Variants in RUNX1 observed in about 807,000 individuals in gnomAD.
The protein encoded by RUNX1 is runt-related transcription factor 1.
RUNX1 carries 19 observed loss-of-function variants against 42.8 expected under a neutral mutation model. That is an observed-to-expected ratio of 0.44 (90% confidence interval 0.31 to 0.65). The LOEUF (loss-of-function observed/expected upper bound fraction) is 0.65, where lower values mean the gene tolerates loss of function less well. RUNX1 is among the 30% of genes least tolerant of loss of function. The pLI, the probability that RUNX1 is intolerant of heterozygous loss-of-function variation, is 0.07. For synonymous variants in RUNX1, 271 were observed against 289.4 expected (o/e 0.94, Z 0.64); for missense variants, 528 against 672.0 (o/e 0.79, Z 2.37).
intron 2 of RUNX1, among the ~76,000 whole-genome samples, chr21:35,007,431 G>A (rs1375489287): frequency 6.6e-6 from 1 of 152,096 alleles, no homozygotes; most frequent in African/African-American, 2.4e-5. Flanking sequence ...TGGCCCGGTT[G>A]GGTCTCCATC....
At chr21:35,043,144 C>T (rs1384629254) in intron 2 of RUNX1, among the ~76,000 whole-genome samples, 1 of 152,190 alleles carries the variant, frequency 6.6e-6, no homozygotes, top group African/African-American at 2.4e-5. Context: ...AGCCTGTGTT[C>T]TCGTAAAGTA....
intron 2 of RUNX1, among the ~76,000 whole-genome samples, chr21:34,926,721 AT>A (rs1467961377): frequency 6.6e-6 from 1 of 151,986 alleles, no homozygotes; most frequent in Non-Finnish European, 1.5e-5. Flanking sequence ...TCCAGGTGGG[AT>A]TTAACATAAT....
chr21:34,906,963 G>A (rs1454010968), intron 2 of RUNX1, among the ~76,000 whole-genome samples: 1 of 152,260 alleles, frequency 6.6e-6, no homozygotes, highest in Non-Finnish European at 1.5e-5. Context: ...TATTTAGAGA[G>A]TCACGTGCCC....
intron 8 of RUNX1, among the ~76,000 whole-genome samples, chr21:34,796,957 GAGCACAA>G (rs2056537657): frequency 6.6e-6 from 1 of 152,250 alleles, no homozygotes. Context: ...AAGAGGGGCA[GAGCACAA>G]AGCTGTCGGG....
chr21:34,901,613 GGGTGTGAGCCCTTCTCCACATTCTCTTT>G lies in RUNX1; in HGVS notation c.59-8678_59-8651del, dbSNP rs1454289038. Among the ~76,000 whole-genome samples the G allele has an allele frequency of 2.0e-5, 3 of 152,198 alleles. No individual in the cohort carries two copies. The highest frequency in any genetic ancestry group is 4.8e-5 in the African/African-American group (2 of 41,422). ...GGGGCCAACGTGTGGACCCTGGAAA[GGGTGTGAGCCCTTCTCCACATTCTCTTT>G]GGTGTGGGCCCTTCTCCACATGCTC... is the stretch of plus-strand genomic sequence containing the variant. On this transcript the variant is annotated intron_variant, in intron 2 of 8. Transcript: ENST00000675419. The surrounding 1 kb of genome is among the most constrained non-coding windows in gnomAD (Gnocchi z 4.3).
chr21:34,945,949 T>C (rs902296212), intron 2 of RUNX1, among the ~76,000 whole-genome samples: 1 of 152,228 alleles, frequency 6.6e-6, no homozygotes, highest in African/African-American at 2.4e-5. Flanking sequence ...AGCAAACTCA[T>C]TGACTGCTTC....
chr21:34,881,476 T>A (rs1315545714), intron 4 of RUNX1, among the ~76,000 whole-genome samples: 1 of 152,184 alleles, frequency 6.6e-6, no homozygotes. Context: ...GTTTACTAAT[T>A]ACAAAATCAA....
chr21:34,891,671 G>A (rs927146653), intron 3 of RUNX1, among the ~76,000 whole-genome samples: 1 of 151,022 alleles, frequency 6.6e-6, no homozygotes, highest in African/African-American at 2.4e-5. Context: ...TTTCCCTGGA[G>A]TAATGCTAGA....
At chr21:34,972,632 T>C (rs370806172) in intron 2 of RUNX1, among the ~76,000 whole-genome samples, 9 of 152,236 alleles carry the variant, frequency 5.9e-5, no homozygotes, top group African/African-American at 1.7e-4. Flanking sequence ...TTTCTCTTGA[T>C]TGATCTTCTG....
chr21:34,839,189 C>A (rs563309142), intron 6 of RUNX1, among the ~76,000 whole-genome samples: 2 of 152,040 alleles, frequency 1.3e-5, no homozygotes, highest in Non-Finnish European at 2.9e-5. Context: ...CAATCTCACA[C>A]GGCCAGTTAC....
chr21:35,011,023 T>TTC (rs2059122763), intron 2 of RUNX1, among the ~76,000 whole-genome samples: 1 of 152,202 alleles, frequency 6.6e-6, no homozygotes, highest in African/African-American at 2.4e-5. Context: ...AAGATACCAC[T>TTC]ACCAAAATCA....
At chr21:34,813,807 A>G (rs1250441078) in intron 7 of RUNX1, among the ~76,000 whole-genome samples, 2 of 152,040 alleles carry the variant, frequency 1.3e-5, no homozygotes, top group Admixed American at 6.5e-5. Flanking sequence ...GGAATGATAG[A>G]GCAGAAAGCA....
intron 3 of RUNX1, among the ~76,000 whole-genome samples, chr21:34,889,366 GGGTC>G (rs994383139): frequency 5.3e-5 from 8 of 152,108 alleles, no homozygotes; most frequent in African/African-American, 1.9e-4. Context: ...GTCTTCCCTT[GGGTC>G]GGTTTCTGTA....
At chr21:34,987,910 C>G (rs1168666660) in intron 2 of RUNX1, among the ~76,000 whole-genome samples, 1 of 152,176 alleles carries the variant, frequency 6.6e-6, no homozygotes, top group African/African-American at 2.4e-5. Flanking sequence ...TGAACAACTC[C>G]CATCCCCAGG....
At chr21:34,836,914 C>T (rs1023133080) in intron 6 of RUNX1, among the ~76,000 whole-genome samples, 4 of 152,200 alleles carry the variant, frequency 2.6e-5, no homozygotes, top group Non-Finnish European at 4.4e-5. Flanking sequence ...GGACCTGTGC[C>T]ACGGAGACAC....
chr21:34,839,953 T>G (rs1252260909), intron 6 of RUNX1, among the ~76,000 whole-genome samples: 4 of 152,164 alleles, frequency 2.6e-5, no homozygotes, highest in Non-Finnish European at 1.5e-5. Context: ...CTCCTTTTGG[T>G]GATAACTATT....
intron 7 of RUNX1, among the ~76,000 whole-genome samples, chr21:34,811,158 G>C (rs555181696): frequency 2.0e-5 from 3 of 152,328 alleles, no homozygotes; most frequent in South Asian, 4.1e-4. Flanking sequence ...GACCCACAAT[G>C]AATGGCAACC....
chr21:34,888,532 T>C, intron 3 of RUNX1: 1 of 1,061,656 alleles, frequency 9.4e-7, no homozygotes, highest in Non-Finnish European at 1.1e-6. Context: ...AAAAGGAAGG[T>C]CCAACGCAGG....
chr21:34,866,293 T>C (rs558749585), intron 5 of RUNX1, among the ~76,000 whole-genome samples: 1 of 151,912 alleles, frequency 6.6e-6, no homozygotes, highest in Middle Eastern at 3.4e-3. Context: ...GCCCAAAGAG[T>C]GAGAAAGGAA....
Sources: allele counts gnomAD v4.1 joint callset (sites outside exome capture counted in the v4.1 genomes callset), GRCh38; gene constraint gnomAD v4.1.1; non-coding constraint Gnocchi (gnomAD v3.1); transcripts MANE v1.5; gene names NCBI Gene and HGNC (gene_info 2026-07-23, HGNC 2026-07-21).